Variants in DPYSL3 observed in about 807,000 individuals in gnomAD.
DPYSL3 encodes dihydropyrimidinase like 3, also known as dihydropyrimidinase-related protein 3.
In DPYSL3, 16 loss-of-function variants were observed where a neutral mutation model predicts 66.1. The observed-to-expected ratio is 0.24, with a 90% CI of 0.16 to 0.37. The LOEUF is 0.37. Ranked by LOEUF, DPYSL3 falls within the 10% of genes least tolerant of loss-of-function variation. The pLI is 1.00. For missense variants in DPYSL3, 738 were observed against 916.2 expected (o/e 0.81, Z 2.51); for synonymous variants, 338 against 345.1 (o/e 0.98, Z 0.23).
chr5:147,491,608 G>C (rs1160181653), intron 1 of DPYSL3, among the ~76,000 whole-genome samples: 2 of 152,050 alleles, frequency 1.3e-5, no homozygotes, highest in Non-Finnish European at 2.9e-5. Flanking sequence ...CAGTCAAAAA[G>C]AAATGCTAGA....
At chr5:147,440,457 A>T (rs1041704743) in intron 1 of DPYSL3, among the ~76,000 whole-genome samples, 10 of 152,216 alleles carry the variant, frequency 6.6e-5, no homozygotes, top group Non-Finnish European at 1.2e-4. Flanking sequence ...TCCTCATGTT[A>T]TAGATTTATG....
chr5:147,499,856 C>T (rs1337140460), intron 1 of DPYSL3, among the ~76,000 whole-genome samples: 1 of 152,148 alleles, frequency 6.6e-6, no homozygotes, highest in Non-Finnish European at 1.5e-5. Flanking sequence ...AACAGACAAG[C>T]TTGGAACAAA....
At chr5:147,455,516 C>A (rs560369288) in intron 1 of DPYSL3, among the ~76,000 whole-genome samples, 2 of 152,158 alleles carry the variant, frequency 1.3e-5, no homozygotes, top group South Asian at 2.1e-4. Flanking sequence ...GTTCTTAAAG[C>A]GTAAGTGCTG....
chr5:147,473,682 T>C (rs1045638532), intron 1 of DPYSL3, among the ~76,000 whole-genome samples: 2 of 152,152 alleles, frequency 1.3e-5, no homozygotes, highest in Non-Finnish European at 2.9e-5. Flanking sequence ...AATGTATTTC[T>C]TCACTTCTTG....
chr5:147,412,106 CTT>C (rs1289496782), intron 6 of DPYSL3, among the ~76,000 whole-genome samples: 3 of 152,222 alleles, frequency 2.0e-5, no homozygotes, highest in Non-Finnish European at 4.4e-5. Context: ...TTTCGTCACT[CTT>C]TCCTCAAGTT....
intron 1 of DPYSL3, among the ~76,000 whole-genome samples, chr5:147,488,145 C>G (rs948575847): frequency 6.6e-5 from 10 of 152,192 alleles, no homozygotes; most frequent in African/African-American, 2.4e-4. Flanking sequence ...AACAGCCCCT[C>G]CCTAGCCCAC....
At chr5:147,432,035 T>C (rs1035333435) in intron 1 of DPYSL3, among the ~76,000 whole-genome samples, 16 of 152,300 alleles carry the variant, frequency 1.1e-4, no homozygotes, top group African/African-American at 3.1e-4. Flanking sequence ...CGAGTCTTCA[T>C]TGAAATTGGG....
rs1561770651 is a variant in DPYSL3 at position 147,397,871 on chromosome 5, CCA to C, written c.1624-28_1624-27del. On this transcript the variant is annotated intron_variant, in intron 11 of 13. Coordinates refer to ENST00000343218, the MANE Select transcript of DPYSL3 (RefSeq NM_001197294.2). ...CTAGAGGCAGGGGTGAGAAGCAAAG[CCA>C]CAGTAAGGGTAGAGAAAGAGGAACG... is the stretch of plus-strand genomic sequence containing the variant. 5 of 1,514,114 alleles carry C rather than the reference CCA, an allele frequency of 3.3e-6. No individual in the cohort carries two copies. The Admixed American group carries it at 9.5e-5, about 29-fold the overall frequency. The allele number at this position is 1,514,114 out of a possible 1,614,324, so 93.8% of individuals were successfully genotyped here.
intron 1 of DPYSL3, among the ~76,000 whole-genome samples, chr5:147,431,403 G>A (rs971941483): frequency 2.0e-5 from 3 of 151,920 alleles, no homozygotes; most frequent in South Asian, 2.1e-4. Flanking sequence ...CACCTCTCTG[G>A]GTGGGCTTCA....
chr5:147,490,057 C>T (rs1027128663), intron 1 of DPYSL3, among the ~76,000 whole-genome samples: 1 of 152,090 alleles, frequency 6.6e-6, no homozygotes, highest in Non-Finnish European at 1.5e-5. Context: ...GCTCTTATGG[C>T]CCCTGCACCC....
chr5:147,399,256 T>A lies in DPYSL3; in HGVS notation c.1453-4A>T. On this transcript the variant is annotated splice_polypyrimidine_tract_variant and splice_region_variant and intron_variant, in intron 10 of 13. Transcript: ENST00000343218. ...TTTCGTCCATTTTCCCTGTGGCCTA[T>A]TGAAATATAAGAAATTATATCTATA... 1 of 1,613,610 alleles carries A rather than the reference T, an allele frequency of 6.2e-7. No individual in the cohort carries two copies. Among genetic ancestry groups the A allele is most frequent in the African/African-American group, 1.3e-5 (1 of 74,986 alleles).
intron 1 of DPYSL3, among the ~76,000 whole-genome samples, chr5:147,495,411 G>C (rs1753485185): frequency 1.3e-5 from 2 of 152,132 alleles, no homozygotes; most frequent in South Asian, 4.2e-4. Context: ...AATTAGGCAG[G>C]AGAAGGAAAT....
At chr5:147,408,535 A>AGAT (rs1357168334) in intron 7 of DPYSL3, among the ~76,000 whole-genome samples, 193 bp downstream of exon 7, 1 of 152,144 alleles carries the variant, frequency 6.6e-6, no homozygotes, top group Non-Finnish European at 1.5e-5. Context: ...ATCTGTAGGG[A>AGAT]GATTAGGGGT....
intron 1 of DPYSL3, among the ~76,000 whole-genome samples, chr5:147,496,905 T>C (rs1023329583): frequency 6.6e-6 from 1 of 152,064 alleles, no homozygotes; most frequent in African/African-American, 2.4e-5. Flanking sequence ...ACTGGGTATA[T>C]ACCCAAAGGA....
chr5:147,405,799 G>C (rs377531044), intron 7 of DPYSL3, 69 bp from the exon 8 acceptor site: 3 of 1,554,150 alleles, frequency 1.9e-6, no homozygotes, highest in African/African-American at 1.4e-5. Flanking sequence ...CCACCTCCAC[G>C]AACTGTGAGG....
intron 1 of DPYSL3, among the ~76,000 whole-genome samples, chr5:147,427,385 C>T (rs1581188419): frequency 1.3e-5 from 2 of 152,152 alleles, no homozygotes; most frequent in South Asian, 4.1e-4. Context: ...ACAGCTATTC[C>T]ATATTGGTTG....
At position 147,454,050 on chromosome 5, in the gene DPYSL3, G is replaced by A. The variant is rs144063861; in HGVS notation, c.382-29087C>T. On this transcript the variant is annotated intron_variant, in intron 1 of 13. Coordinates refer to ENST00000343218, the MANE Select transcript of DPYSL3 (RefSeq NM_001197294.2). ...CTGCTCCACAGCCACCAGGGGGCGC[G>A]AGGGGCTTTTCGGGAGCGGAGGCTG... The A allele has an allele frequency of 7.2e-3, 1,096 of 153,268 alleles. 7 individuals are homozygous for A. The highest frequency in any genetic ancestry group is 0.011 in the Non-Finnish European group (769 of 69,146). 9.5% of individuals were successfully genotyped at this position (153,268 alleles called of 1,614,324 possible).
intron 1 of DPYSL3, among the ~76,000 whole-genome samples, chr5:147,430,125 A>G (rs1752279994): frequency 6.6e-6 from 1 of 152,136 alleles, no homozygotes; most frequent in African/African-American, 2.4e-5. Context: ...GGAAGGAAGT[A>G]AAAAGAGAGA....
At chr5:147,493,571 C>T (rs1308532811) in intron 1 of DPYSL3, among the ~76,000 whole-genome samples, 1 of 148,120 alleles carries the variant, frequency 6.8e-6, no homozygotes, top group Non-Finnish European at 1.5e-5. Context: ...GAGACTCTGT[C>T]TAAAAAAAAA....
Sources: allele counts gnomAD v4.1 joint callset (sites outside exome capture counted in the v4.1 genomes callset), GRCh38; gene constraint gnomAD v4.1.1; transcripts MANE v1.5; gene names NCBI Gene and HGNC (gene_info 2026-07-23, HGNC 2026-07-21).